ANO7: variants seen among roughly 807,000 people sequenced by gnomAD.
ANO7 encodes anoctamin-7.
A neutral mutation model predicts 115.8 loss-of-function variants in ANO7; 114 were observed. That is an observed-to-expected ratio of 0.98 (90% CI 0.85 to 1.15). The LOEUF is 1.15. Ranked by LOEUF, ANO7 falls within the 50% of genes most tolerant of loss-of-function variation. The pLI, the probability that ANO7 is intolerant of heterozygous loss-of-function variation, is 0.00. For synonymous variants in ANO7, 550 were observed against 498.2 expected, an observed-to-expected ratio of 1.10 and a Z score of -1.38; for missense variants, 1,302 against 1,201.2, an observed-to-expected ratio of 1.08 and a Z score of -1.24.
chr2:241,236,839 T>C, the ANO7 span: 2 of 1,526,756 alleles, frequency 1.3e-6, no homozygotes, highest in Admixed American at 1.8e-5. Flanking sequence ...TCAGAATGCA[T>C]ATGTCTGTGA....
chr2:241,215,430 T>C (rs915850101), intron 18 of ANO7, among the ~76,000 whole-genome samples: 1 of 152,198 alleles, frequency 6.6e-6, no homozygotes, highest in Non-Finnish European at 1.5e-5. Flanking sequence ...CAGACTGACC[T>C]GAACGCCCTC....
chr2:241,196,129 C>G lies in ANO7; in HGVS notation c.309+284C>G. The stretch of plus-strand genomic sequence containing the variant: ...CTCTGACACTACCTTTGCCATTCAC[C>G]TGTCCCGTCTCCAACATTAAAGCTT... On this transcript the variant is annotated intron_variant, in intron 4 of 24. Transcript: ENST00000674324. 3 of 1,360,928 alleles carry G rather than the reference C, an allele frequency of 2.2e-6. 1 individual carries two copies. Among genetic ancestry groups the G allele is most frequent in the Middle Eastern group, 5.5e-4 (2 of 3,622 alleles). 84.3% of individuals were successfully genotyped at this position (1,360,928 alleles called of 1,614,324 possible).
chr2:241,233,989 G>A, the ANO7 span: 1 of 1,613,794 alleles, frequency 6.2e-7, no homozygotes, highest in Non-Finnish European at 8.5e-7. This position sits in a 1 kb window ranked among gnomAD's most constrained non-coding sequence, Gnocchi z 4.3. Flanking sequence ...GCAAGAATGA[G>A]GCAAAGATTG....
At chr2:241,240,092 C>T in the ANO7 span, 10 of 1,614,036 alleles carry the variant, frequency 6.2e-6, no homozygotes, top group Non-Finnish European at 8.5e-6. This position sits in a 1 kb window ranked among gnomAD's most constrained non-coding sequence, Gnocchi z 5.5. Flanking sequence ...TCTGGCTTGG[C>T]GCGGATGTCA....
the ANO7 span, chr2:241,236,756 C>T: frequency 1.2e-6 from 2 of 1,614,160 alleles, no homozygotes; most frequent in Admixed American, 3.3e-5. Flanking sequence ...GGACAACTGG[C>T]TCTGTACTGT....
chr2:241,190,412 C>A (rs1458017653), intron 2 of ANO7, among the ~76,000 whole-genome samples: 1 of 152,204 alleles, frequency 6.6e-6, no homozygotes, highest in Non-Finnish European at 1.5e-5. Flanking sequence ...CAGACAGGAG[C>A]TCCAGGAGGG....
rs928215129 is a variant in ANO7, at chr2:241,203,897, A to G, written c.889+399A>G. The stretch of plus-strand genomic sequence containing the variant: ...CCAAGCAGGCCATCTGCCCCAGGCA[A>G]CCCCAGAGCTGTTCCTCCTGGGTCC... On this transcript the variant is annotated intron_variant, in intron 9 of 24. Transcript: ENST00000674324. The surrounding 1 kb of genome is among the most constrained non-coding windows in gnomAD (Gnocchi z 4.8). 1.3e-5 allele frequency among the ~76,000 whole-genome samples: 2 copies of G among 151,618 alleles called. No homozygotes were observed. Among genetic ancestry groups the G allele is most frequent in the African/African-American group, 4.9e-5 (2 of 41,216 alleles).
At chr2:241,195,568 A>C in intron 3 of ANO7, 135 bp from the exon 4 acceptor site, 1 of 792,776 alleles carries the variant, frequency 1.3e-6, no homozygotes, top group Non-Finnish European at 2.0e-6. Flanking sequence ...CAGAGAGGGG[A>C]TCGGGAAGGA....
chr2:241,229,604 T>G, downstream of ANO7: 1 of 1,612,660 alleles, frequency 6.2e-7, no homozygotes, highest in Non-Finnish European at 8.5e-7. Context: ...TTGATCATTA[T>G]CGTTTGGGGC....
In ANO7 at chr2:241,209,440, C is replaced by A. The variant is rs772726502; in HGVS notation, c.1221+12C>A. 2 of 1,597,768 alleles carry A rather than the reference C, an allele frequency of 1.3e-6. No homozygotes were observed. Among genetic ancestry groups the A allele is most frequent in the Non-Finnish European group, 1.7e-6 (2 of 1,173,732 alleles). On this transcript the variant is annotated intron_variant, in intron 12 of 24. Coordinates refer to ENST00000674324, the MANE Select transcript of ANO7 (RefSeq NM_001370694.2). ...ACGAGGACACTGAGGTGAGCCACCC[C>A]CGCTGGACCACGGTCACACCCGGCG...
intron 19 of ANO7, among the ~76,000 whole-genome samples, chr2:241,216,439 G>C (rs1402771836): frequency 6.6e-6 from 1 of 152,244 alleles, no homozygotes; most frequent in Non-Finnish European, 1.5e-5. Context: ...GCCCAAGAGG[G>C]TTGGCTGAGG....
At chr2:241,191,610 C>G (rs2149098907) in intron 3 of ANO7, among the ~76,000 whole-genome samples, 1 of 152,268 alleles carries the variant, frequency 6.6e-6, no homozygotes, top group African/African-American at 2.4e-5. Context: ...CCTTCAAAAT[C>G]TCTTTGATCC....
At chr2:241,211,831 C>T (rs2068726212) in intron 15 of ANO7, among the ~76,000 whole-genome samples, 1 of 152,220 alleles carries the variant, frequency 6.6e-6, no homozygotes, top group Non-Finnish European at 1.5e-5. Context: ...GTTTCTCTGA[C>T]CCATCCCCTG....
intron 21 of ANO7, among the ~76,000 whole-genome samples, chr2:241,222,000 C>T (rs1410054574): frequency 2.6e-5 from 4 of 151,992 alleles, no homozygotes; most frequent in African/African-American, 7.2e-5. Flanking sequence ...TGTGGGAGGC[C>T]GAGGCCGGTG....
chr2:241,210,601 C>T (rs375456089), intron 15 of ANO7, 31 bp downstream of exon 15: 2 of 1,592,048 alleles, frequency 1.3e-6, no homozygotes, highest in Non-Finnish European at 8.6e-7. Flanking sequence ...CAGGCACTGA[C>T]CAGGGGCCCA....
the ANO7 span, chr2:241,240,008 T>C: frequency 9.9e-6 from 16 of 1,614,220 alleles, no homozygotes; most frequent in African/African-American, 1.3e-5. The surrounding 1 kb of genome is among the most constrained non-coding windows in gnomAD (Gnocchi z 5.5). Context: ...GCAGGGAAGA[T>C]GACACGTGCT....
intron 2 of ANO7, 105 bp from the exon 3 acceptor site, chr2:241,191,089 G>A: frequency 2.4e-6 from 3 of 1,275,444 alleles, no homozygotes; most frequent in Non-Finnish European, 3.4e-6. Flanking sequence ...GGCAGGGCGG[G>A]GACGGGTTGG....
intron 19 of ANO7, among the ~76,000 whole-genome samples, chr2:241,216,521 G>A (rs1404529869): frequency 6.6e-6 from 1 of 152,254 alleles, no homozygotes; most frequent in African/African-American, 2.4e-5. Context: ...CCTGGACCTA[G>A]AAAGCATGGG....
chr2:241,204,934 T>TG lies in ANO7; in HGVS notation c.961dup (p.Val321GlyfsTer82), dbSNP rs747084134. 969 of 1,614,088 alleles carry TG rather than the reference T, an allele frequency of 6.0e-4. 2 individuals are homozygous for TG. The highest frequency in any genetic ancestry group is 6.1e-4 in the Non-Finnish European group (723 of 1,179,962). On this transcript the variant is annotated frameshift_variant, in exon 10 of 25. Transcript: ENST00000674324. LOFTEE classifies it high-confidence loss of function. The stretch of plus-strand genomic sequence containing the variant: ...CTGGTGTTCCTGGTGGGCTGCTTCC[T>TG]GGTGTTCTCAGACATACCCACGTGA...
Sources: gnomAD v4.1 joint callset for allele counts (sites outside exome capture counted in the v4.1 genomes callset) on GRCh38, gnomAD v4.1.1 for gene constraint, Gnocchi (gnomAD v3.1) non-coding constraint, MANE v1.5 for transcripts, NCBI Gene and HGNC (gene_info 2026-07-23, HGNC 2026-07-21) for gene names.